UNC13B: variants seen among roughly 807,000 people sequenced by gnomAD.
The protein encoded by UNC13B is unc-13 homolog B.
UNC13B carries 144 observed loss-of-function variants against 211.0 expected under a neutral mutation model. The ratio of observed to expected loss-of-function variants is 0.68; its 90% CI spans 0.60 to 0.78. UNC13B has a LOEUF of 0.78. Among genes scored for constraint, UNC13B ranks in the 30% least tolerant of loss-of-function variants. The pLI, the probability that UNC13B is intolerant of heterozygous loss-of-function variation, is 0.00. For synonymous variants in UNC13B, 709 were observed against 725.8 expected (o/e 0.98, Z 0.37); for missense variants, 1,777 against 2,002.0 (o/e 0.89, Z 2.14).
intron 11 of UNC13B, among the ~76,000 whole-genome samples, chr9:35,316,252 G>T (rs1472549035): frequency 1.3e-5 from 2 of 152,108 alleles, no homozygotes; most frequent in Non-Finnish European, 2.9e-5. Flanking sequence ...TTTTTAGGAA[G>T]AGATTTCCCT....
chr9:35,235,503 G>A (rs927204292), intron 3 of UNC13B, among the ~76,000 whole-genome samples: 2 of 151,322 alleles, frequency 1.3e-5, no homozygotes, highest in African/African-American at 4.8e-5. Context: ...AGGCTGGAGT[G>A]CAGTGGCGTG....
In UNC13B at chr9:35,226,317, A is replaced by G. The variant is rs76265947; in HGVS notation, c.23-1698A>G. On this transcript the variant is annotated intron_variant, in intron 1 of 39. Transcript: ENST00000635942. ...CCCCCTGCCCCCAGAAAGAACCTGT[A>G]TTAGTCAAGGTTCTCTAAAGGGACA... Among the ~76,000 whole-genome samples, 1,302 of 152,228 alleles carry G rather than the reference A, an allele frequency of 8.6e-3. 13 individuals carry two copies. The highest frequency in any genetic ancestry group is 0.03 in the African/African-American group (1,232 of 41,538).
In UNC13B at chr9:35,301,159, A is replaced by AGCCAT. The variant is rs1705427167; in HGVS notation, c.1757_1761dup (p.Ala588ProfsTer23). The AGCCAT allele has an allele frequency of 2.5e-6, 1 of 398,840 alleles. No individual in the cohort carries two copies. The highest frequency in any genetic ancestry group is 4.4e-5 in the Admixed American group (1 of 22,712). The allele number at this position is 398,840 out of a possible 1,614,324, so 24.7% of individuals were successfully genotyped here. On this transcript the variant is annotated frameshift_variant, in exon 9 of 40. Transcript: ENST00000635942. LOFTEE classifies it high-confidence loss of function. ...CAATTAATTTGGGATCTAAACCCAG[A>AGCCAT]GCCATGGCAGTATTGGGGAAGGATC... is the stretch of plus-strand genomic sequence containing the variant.
chr9:35,201,266 A>G (rs1823268950), intron 1 of UNC13B, among the ~76,000 whole-genome samples: 1 of 152,110 alleles, frequency 6.6e-6, no homozygotes, highest in Admixed American at 6.6e-5. Flanking sequence ...TTTTGCATTG[A>G]TGTTCATCAG....
intron 7 of UNC13B, among the ~76,000 whole-genome samples, chr9:35,282,593 G>C (rs564621006): frequency 1.3e-5 from 2 of 151,782 alleles, no homozygotes; most frequent in Non-Finnish European, 1.5e-5. Flanking sequence ...CACCACACCC[G>C]GATAATTTTT....
At chr9:35,180,833 A>C (rs1378325280) in intron 1 of UNC13B, among the ~76,000 whole-genome samples, 2 of 151,996 alleles carry the variant, frequency 1.3e-5, no homozygotes, top group Admixed American at 6.6e-5. Context: ...AGAGTGGTTT[A>C]CGCCTGTAAT....
At chr9:35,220,635 A>G (rs1391010920) in intron 1 of UNC13B, among the ~76,000 whole-genome samples, 3 of 152,204 alleles carry the variant, frequency 2.0e-5, no homozygotes. Context: ...GTGGCTGAAT[A>G]GTACTCCATT....
At chr9:35,328,060 G>T (rs1182340149) in intron 11 of UNC13B, among the ~76,000 whole-genome samples, 3 of 151,846 alleles carry the variant, frequency 2.0e-5, no homozygotes, top group African/African-American at 7.3e-5. Flanking sequence ...TCACTCTGTT[G>T]CCCAGGCTGT....
At chr9:35,357,340 A>G (rs1206465090) in intron 11 of UNC13B, among the ~76,000 whole-genome samples, 5 of 152,164 alleles carry the variant, frequency 3.3e-5, no homozygotes, top group African/African-American at 1.2e-4. Flanking sequence ...GATGTTGAGC[A>G]TCTTTTCATG....
intron 11 of UNC13B, among the ~76,000 whole-genome samples, chr9:35,356,762 C>T (rs1833048979): frequency 6.6e-6 from 1 of 152,170 alleles, no homozygotes; most frequent in South Asian, 2.1e-4. Flanking sequence ...TTGGCAGTCA[C>T]TCCCCACTTC....
intron 11 of UNC13B, among the ~76,000 whole-genome samples, chr9:35,334,602 G>A (rs1020765545): frequency 1.2e-4 from 19 of 152,246 alleles, no homozygotes; most frequent in South Asian, 4.1e-4. Flanking sequence ...GGCTTTCTAC[G>A]TGTATTTTCC....
intron 12 of UNC13B, among the ~76,000 whole-genome samples, chr9:35,369,788 A>G (rs540229788): frequency 6.6e-6 from 1 of 152,250 alleles, no homozygotes; most frequent in African/African-American, 2.4e-5. Flanking sequence ...TTTCTTCAGG[A>G]GGCCTAGGTA....
chr9:35,353,097 G>A (rs944399975), intron 11 of UNC13B: 4 of 1,232,050 alleles, frequency 3.2e-6, no homozygotes, highest in African/African-American at 3.1e-5. Flanking sequence ...AGCTGTGACA[G>A]CATGATGGAG....
Position 35,300,955 on chromosome 9 carries a change from G to A in UNC13B, c.1551G>A (p.Lys517=). The A allele has an allele frequency of 2.5e-6, 1 of 398,948 alleles. No homozygotes were observed. Among genetic ancestry groups the A allele is most frequent in the South Asian group, 1.3e-4 (1 of 7,854 alleles). 24.7% of individuals were successfully genotyped at this position (398,948 alleles called of 1,614,324 possible). The change falls in exon 9 of 40, where the codon AAG becomes AAA. Residue 517 remains lysine, a synonymous_variant. Transcript: ENST00000635942. The part of the protein sequence containing the change: ...GDQIPPLTIV[K]NDKDTAISFP... ...AAATACCACCTTTAACTATTGTCAA[G>A]AATGACAAGGACACGGCCATCTCTT...
chr9:35,351,915 G>T (rs1208437897), intron 11 of UNC13B: 1 of 1,232,146 alleles, frequency 8.1e-7, no homozygotes, highest in African/African-American at 1.6e-5. Context: ...CATGGCCAAG[G>T]CTGTAGCCGT....
chr9:35,203,933 C>T lies in UNC13B; in HGVS notation c.23-24082C>T, dbSNP rs138300918. ...GACAACGAGGAAAAGACCTTGAAGG[C>T]GTTTCAGAGAACTTTGTGGCAGCCT... is the stretch of plus-strand genomic sequence containing the variant. On this transcript the variant is annotated intron_variant, in intron 1 of 39. Transcript: ENST00000635942. 7.4e-3 allele frequency among the ~76,000 whole-genome samples: 1,124 copies of T among 152,316 alleles called. 16 individuals carry two copies. The highest frequency in any genetic ancestry group is 0.026 in the African/African-American group (1,066 of 41,566).
Position 35,304,613 on chromosome 9 carries a change from A to G in UNC13B, c.5209A>G (p.Lys1737Glu), listed in dbSNP as rs1340402650. 2.5e-6 allele frequency: 1 copy of G among 398,788 alleles called. No homozygotes were observed. The highest frequency in any genetic ancestry group is 4.4e-6 in the Non-Finnish European group (1 of 225,916). 24.7% of individuals were successfully genotyped at this position (398,788 alleles called of 1,614,324 possible). A position where few individuals can be genotyped will look rare whatever the true frequency, so the allele number is the denominator to read the frequency against. ...TTLVHPENMTKGSQQAEETSL... is the reference protein window; with the variant it reads ...TTLVHPENMTEGSQQAEETSL... Reference sequence around the variant, plus strand: ...TTTGGTTCATCCTGAAAATATGACTAAAGGCTCACAACAAGCAGAAGAGAC... The same window carrying G: ...TTTGGTTCATCCTGAAAATATGACTGAAGGCTCACAACAAGCAGAAGAGAC... Residue 1737 changes from lysine to glutamate, a missense_variant, in exon 9 of 40, where the codon AAA becomes GAA. Coordinates refer to ENST00000635942, the MANE Select transcript of UNC13B (RefSeq NM_001371189.2).
At chr9:35,275,366 A>G (rs1193102300) in intron 7 of UNC13B, among the ~76,000 whole-genome samples, 2 of 152,156 alleles carry the variant, frequency 1.3e-5, no homozygotes, top group African/African-American at 2.4e-5. Context: ...CATTTATTGA[A>G]TAGGTAATAT....
chr9:35,328,083 C>T (rs1394071590), intron 11 of UNC13B, among the ~76,000 whole-genome samples: 1 of 152,086 alleles, frequency 6.6e-6, no homozygotes, highest in African/African-American at 2.4e-5. Flanking sequence ...TGCAGTGGCT[C>T]GATCTCAGCT....
Sources: gnomAD v4.1 joint callset for allele counts (sites outside exome capture counted in the v4.1 genomes callset) on GRCh38, gnomAD v4.1.1 for gene constraint, MANE v1.5 for transcripts, NCBI Gene and HGNC (gene_info 2026-07-23, HGNC 2026-07-21) for gene names.